The following CD58 variants were observed in gnomAD, a reference collection of about 807,000 sequenced individuals.
CD58 encodes lymphocyte function-associated antigen 3.
CD58 carries 14 observed loss-of-function variants against 27.6 expected under a neutral mutation model. The ratio of observed to expected loss-of-function variants is 0.51; its 90% CI spans 0.34 to 0.79. CD58 has a LOEUF of 0.79. Among genes scored for constraint, CD58 ranks in the 30% least tolerant of loss-of-function variants. CD58 has a pLI of 0.02. For missense variants in CD58, 268 were observed against 301.7 expected, an observed-to-expected ratio of 0.89 and a Z score of 0.83; for synonymous variants, 117 against 103.8, an observed-to-expected ratio of 1.13 and a Z score of -0.77.
In CD58 at chr1:116,532,420, G is replaced by C. The variant is rs1448206421; in HGVS notation, c.628+3545C>G. On this transcript the variant is annotated intron_variant, in intron 3 of 5. Coordinates refer to ENST00000369489, the MANE Select transcript of CD58 (RefSeq NM_001779.3). The surrounding 1 kb of genome is among the most constrained non-coding windows in gnomAD (Gnocchi z 5.1). ...AGGAGAATACGGCCCTACTCTACAC[G>C]GCCCTTCTGAGATGATTAGCATACA... Among the ~76,000 whole-genome samples, 7 of 152,176 alleles carry C rather than the reference G, an allele frequency of 4.6e-5. No individual in the cohort carries two copies. Among genetic ancestry groups the C allele is most frequent in the Admixed American group, 3.3e-4 (5 of 15,284 alleles).
chr1:116,549,780 T>C (rs1405901122), intron 1 of CD58, among the ~76,000 whole-genome samples: 1 of 152,216 alleles, frequency 6.6e-6, no homozygotes, highest in Non-Finnish European at 1.5e-5. Context: ...TTCTCTCATA[T>C]AGTCAAATAG....
rs187662699 is a variant in CD58, at chr1:116,564,169, G to C, written c.70+6734C>G. ...AAGTTCAAAGTTCCACGTATCTTTA[G>C]GGCACAGGCAAAATGCTGCCAGTCT... On this transcript the variant is annotated intron_variant, in intron 1 of 5. Coordinates refer to ENST00000369489, the MANE Select transcript of CD58 (RefSeq NM_001779.3). Among the ~76,000 whole-genome samples the C allele has an allele frequency of 3.7e-3, 561 of 152,294 alleles. 4 individuals are homozygous for C. Among genetic ancestry groups the C allele is most frequent in the Admixed American group, 7.5e-3 (115 of 15,300 alleles).
rs1300913808 is a variant in CD58, at chr1:116,527,679, T to C, written c.629-5696A>G. 6.6e-6 allele frequency among the ~76,000 whole-genome samples: 1 copy of C among 152,264 alleles called. No homozygotes were observed. The highest frequency in any genetic ancestry group is 1.5e-5 in the Non-Finnish European group (1 of 68,046). On this transcript the variant is annotated intron_variant, in intron 3 of 5. Transcript: ENST00000369489. The surrounding 1 kb of genome is among the most constrained non-coding windows in gnomAD (Gnocchi z 4.4). Reference sequence around the variant, plus strand: ...TTTGGTTTTAGCACAAGAATAATGCTGGCCTCATAAAATGAATTGGAAAGT... The same window carrying C: ...TTTGGTTTTAGCACAAGAATAATGCCGGCCTCATAAAATGAATTGGAAAGT...
chr1:116,549,045 C>A (rs762440749), intron 1 of CD58, among the ~76,000 whole-genome samples: 12 of 152,166 alleles, frequency 7.9e-5, no homozygotes, highest in Non-Finnish European at 1.8e-4. Context: ...GGTCAGTGCC[C>A]TTTCAGAACA....
At chr1:116,555,876 GA>G (rs373815425) in intron 1 of CD58, among the ~76,000 whole-genome samples, 7 of 152,174 alleles carry the variant, frequency 4.6e-5, no homozygotes, top group African/African-American at 1.7e-4. Context: ...CTGAGATTCA[GA>G]TTGACTGGTA....
chr1:116,544,095 T>G (rs994606053), intron 2 of CD58, among the ~76,000 whole-genome samples: 5 of 152,206 alleles, frequency 3.3e-5, no homozygotes, highest in Admixed American at 6.5e-5. Flanking sequence ...CAACTGATAC[T>G]GTTCTCCCCA....
rs1347216178 is a variant in CD58 at position 116,535,664 on chromosome 1, A to AC, written c.628+300dup. On this transcript the variant is annotated intron_variant, in intron 3 of 5. Coordinates refer to ENST00000369489, the MANE Select transcript of CD58 (RefSeq NM_001779.3). ...AGACCATCCTGGCTAACACGGTGAA[A>AC]CCCCGTCTCTACTAAAAATACAAAA... Among the ~76,000 whole-genome samples, 10 of 109,472 alleles carry AC rather than the reference A, an allele frequency of 9.1e-5. 2 individuals are homozygous for AC. Among genetic ancestry groups the AC allele is most frequent in the Non-Finnish European group, 1.2e-4 (7 of 57,480 alleles). The allele number at this position is 109,472 out of a possible 152,430, so 71.8% of individuals were successfully genotyped here.
At chr1:116,567,393 C>T (rs940366622) in intron 1 of CD58, among the ~76,000 whole-genome samples, 6 of 150,832 alleles carry the variant, frequency 4.0e-5, no homozygotes, top group East Asian at 2.0e-4. Context: ...CCCAACACTT[C>T]GGTAGGCCAA....
rs541812053 is a variant in CD58 at position 116,520,116 on chromosome 1, T to C, written c.707-849A>G. Reference sequence around the variant, plus strand: ...AAGGTTGCTTAAAGGTTGAGATGCTTGCTGAGTTTTTTTGTTTGTTTGTTT... The same window carrying C: ...AAGGTTGCTTAAAGGTTGAGATGCTCGCTGAGTTTTTTTGTTTGTTTGTTT... On this transcript the variant is annotated intron_variant, in intron 4 of 5. Transcript: ENST00000369489. Among the ~76,000 whole-genome samples the C allele has an allele frequency of 2.0e-5, 3 of 152,284 alleles. No homozygotes were observed. In the South Asian group the frequency reaches 6.2e-4, roughly 32 times the overall value.
chr1:116,558,341 C>T (rs947342329), intron 1 of CD58, among the ~76,000 whole-genome samples: 2 of 152,110 alleles, frequency 1.3e-5, no homozygotes, highest in Non-Finnish European at 2.9e-5. Flanking sequence ...ATGGATTTCT[C>T]ATCTGGATAT....
rs923906836 is a variant in CD58 at position 116,523,256 on chromosome 1, T to A, written c.629-1273A>T. Among the ~76,000 whole-genome samples, 4 of 152,146 alleles carry A rather than the reference T, an allele frequency of 2.6e-5. No homozygotes were observed. Among genetic ancestry groups the A allele is most frequent in the Admixed American group, 1.3e-4 (2 of 15,278 alleles). The stretch of plus-strand genomic sequence containing the variant: ...TCCTTGTTTTCACAAAAAACTGTGG[T>A]ATGTTCACAAGGTAAACTCTATCCA... On this transcript the variant is annotated intron_variant, in intron 3 of 5. Transcript: ENST00000369489. This position sits in a 1 kb window ranked among gnomAD's most constrained non-coding sequence, Gnocchi z 4.4.
At chr1:116,562,554 G>T in intron 1 of CD58, among the ~76,000 whole-genome samples, 1 of 152,136 alleles carries the variant, frequency 6.6e-6, no homozygotes, top group East Asian at 1.9e-4. Context: ...ACATGAGACT[G>T]GGTAATTTAT....
chr1:116,556,639 G>A (rs929823149), intron 1 of CD58, among the ~76,000 whole-genome samples: 9 of 152,140 alleles, frequency 5.9e-5, no homozygotes, highest in African/African-American at 1.7e-4. Context: ...GAGGGCCTCA[G>A]AGAGCAAGAC....
chr1:116,532,531 C>G lies in CD58; in HGVS notation c.628+3434G>C, dbSNP rs1657647828. Reference sequence around the variant, plus strand: ...TTCAAATGAAAGGAAAGAATTCAGTCCAACTGCAGGAGTGGTAGGAGAGGT... The same window carrying G: ...TTCAAATGAAAGGAAAGAATTCAGTGCAACTGCAGGAGTGGTAGGAGAGGT... On this transcript the variant is annotated intron_variant, in intron 3 of 5. Transcript: ENST00000369489. This position sits in a 1 kb window ranked among gnomAD's most constrained non-coding sequence, Gnocchi z 5.1. 1.3e-5 allele frequency among the ~76,000 whole-genome samples: 2 copies of G among 152,196 alleles called. No individual in the cohort carries two copies. The highest frequency in any genetic ancestry group is 2.9e-5 in the Non-Finnish European group (2 of 68,032).
intron 1 of CD58, among the ~76,000 whole-genome samples, chr1:116,551,318 G>A (rs1391914152): frequency 1.3e-5 from 2 of 152,178 alleles, no homozygotes; most frequent in Non-Finnish European, 2.9e-5. Flanking sequence ...AGTAATCTTA[G>A]ATCTTCTGGA....
chr1:116,525,825 G>GA lies in CD58; in HGVS notation c.629-3843dup, dbSNP rs756457245. ...CTAATTTTTGTATTTTTACAAAATA[G>GA]AAAATAGTAGAAATGGGGTTTCCCC... On this transcript the variant is annotated intron_variant, in intron 3 of 5. Coordinates refer to ENST00000369489, the MANE Select transcript of CD58 (RefSeq NM_001779.3). Among the ~76,000 whole-genome samples, 17 of 152,270 alleles carry GA rather than the reference G, an allele frequency of 1.1e-4. 1 individual carries two copies. In the South Asian group the frequency reaches 1.9e-3, roughly 17 times the overall value.
Position 116,532,873 on chromosome 1 carries a change from G to A in CD58, c.628+3092C>T. 7.2e-6 allele frequency: 5 copies of A among 694,050 alleles called. No individual in the cohort carries two copies. The highest frequency in any genetic ancestry group is 1.0e-5 in the Non-Finnish European group (4 of 395,292). The allele number at this position is 694,050 out of a possible 1,614,324, so 43.0% of individuals were successfully genotyped here. ...GATTGTGCCGCATGCGGCAAAGACT[G>A]AGGCCTCCCGCTACAGGCCCGGAGT... is the stretch of plus-strand genomic sequence containing the variant. On this transcript the variant is annotated intron_variant, in intron 3 of 5. Coordinates refer to ENST00000369489, the MANE Select transcript of CD58 (RefSeq NM_001779.3). The surrounding 1 kb of genome is among the most constrained non-coding windows in gnomAD (Gnocchi z 5.1).
intron 1 of CD58, among the ~76,000 whole-genome samples, chr1:116,547,523 G>C (rs1658227233): frequency 1.3e-5 from 2 of 151,798 alleles, no homozygotes; most frequent in African/African-American, 4.8e-5. Context: ...TAAAGACGGG[G>C]TTTCACCATG....
chr1:116,548,656 A>G (rs935849184), intron 1 of CD58, among the ~76,000 whole-genome samples: 19 of 152,180 alleles, frequency 1.2e-4, no homozygotes, highest in Admixed American at 1.0e-3. Flanking sequence ...AGTTTTTGGG[A>G]GTCAAGAGTT....
Sources: allele counts gnomAD v4.1 joint callset (sites outside exome capture counted in the v4.1 genomes callset), GRCh38; gene constraint gnomAD v4.1.1; non-coding constraint Gnocchi (gnomAD v3.1); transcripts MANE v1.5; gene names NCBI Gene and HGNC (gene_info 2026-07-23, HGNC 2026-07-21).